The following AK5 variants were observed in gnomAD, a reference collection of about 807,000 sequenced individuals.
AK5 encodes adenylate kinase isoenzyme 5.
In AK5, 27 loss-of-function variants were observed where a neutral mutation model predicts 69.5. The ratio of observed to expected loss-of-function variants is 0.39; its 90% confidence interval spans 0.29 to 0.54. AK5 has a LOEUF of 0.54. AK5 is among the 20% of genes least tolerant of loss of function. The pLI, the probability that AK5 is intolerant of heterozygous loss-of-function variation, is 0.71. For missense variants in AK5, 531 were observed against 700.4 expected (o/e 0.76, Z 2.73); for synonymous variants, 260 against 244.4 (o/e 1.06, Z -0.60).
At chr1:77,328,035 A>G (rs1266461930) in intron 5 of AK5, among the ~76,000 whole-genome samples, 1 of 152,200 alleles carries the variant, frequency 6.6e-6, no homozygotes, top group Non-Finnish European at 1.5e-5. Flanking sequence ...CCAGAACTTC[A>G]CTTCTAGCTC....
At chr1:77,386,164 T>A (rs1648014556) in intron 6 of AK5, among the ~76,000 whole-genome samples, 1 of 152,238 alleles carries the variant, frequency 6.6e-6, no homozygotes. Flanking sequence ...TCAATATTAG[T>A]TTTCTTTGAG....
rs1052906981 is a variant in AK5 at position 77,340,559 on chromosome 1, C to T, written c.882C>T (p.Leu294=). The T allele has an allele frequency of 2.2e-5, 36 of 1,613,548 alleles. No individual in the cohort carries two copies. The highest frequency in any genetic ancestry group is 2.9e-5 in the Non-Finnish European group (34 of 1,179,804). Residue 294 remains leucine, a synonymous_variant, in exon 6 of 14, where the codon CTC becomes CTT. Coordinates refer to ENST00000354567, the MANE Select transcript of AK5 (RefSeq NM_174858.3). Reference sequence around the variant, plus strand: ...TTAAATACTTCCAGGAAAAGGGGCTCATCATGACAGTAAGTTAGCTCGACT... The same window carrying T: ...TTAAATACTTCCAGGAAAAGGGGCTTATCATGACAGTAAGTTAGCTCGACT... ...PLVKYFQEKG[L]IMTFDADRDE...
At chr1:77,521,136 T>C (rs142580176) in intron 11 of AK5, among the ~76,000 whole-genome samples, 203 of 152,122 alleles carry the variant, frequency 1.3e-3, no homozygotes, top group African/African-American at 4.8e-3. Context: ...AACAGTAAGA[T>C]ACCTTTTTTT....
intron 8 of AK5, among the ~76,000 whole-genome samples, chr1:77,469,377 C>G (rs1654328325): frequency 6.6e-6 from 1 of 152,190 alleles, no homozygotes; most frequent in African/African-American, 2.4e-5. Context: ...TGAGCTTCAT[C>G]CAATTCATTG....
At chr1:77,469,636 C>CGCT (rs139343146) in intron 8 of AK5, among the ~76,000 whole-genome samples, 7,910 of 152,314 alleles carry the variant, frequency 0.052, 239 homozygotes, top group South Asian at 0.094. Context: ...TGTGGTCAGC[C>CGCT]GCTGGGTCAG....
intron 8 of AK5, among the ~76,000 whole-genome samples, chr1:77,472,974 GAGCCCGCCC>G (rs138476952): frequency 0.1 from 15,735 of 151,966 alleles, 917 homozygotes; most frequent in South Asian, 0.15. Flanking sequence ...TGATTGCGTT[GAGCCCGCCC>G]AGATAATCCA....
At chr1:77,474,763 C>T (rs564247822) in intron 8 of AK5, among the ~76,000 whole-genome samples, 2 of 152,284 alleles carry the variant, frequency 1.3e-5, no homozygotes, top group South Asian at 4.1e-4. Flanking sequence ...GATCCTTTTT[C>T]TCCCTGAAAA....
rs183648880 is a variant in AK5, at chr1:77,467,154, G to C, written c.1060-16163G>C. Among the ~76,000 whole-genome samples, 354 of 152,224 alleles carry C rather than the reference G, an allele frequency of 2.3e-3. 3 individuals are homozygous for C. Among genetic ancestry groups the C allele is most frequent in the African/African-American group, 8.3e-3 (344 of 41,524 alleles). Reference sequence around the variant, plus strand: ...GCCTCTTTTATTCATTCCTGGATAGGGAAAAATGCATGGAGTCTTTGGAGT... The same window carrying C: ...GCCTCTTTTATTCATTCCTGGATAGCGAAAAATGCATGGAGTCTTTGGAGT... On this transcript the variant is annotated intron_variant, in intron 8 of 13. Transcript: ENST00000354567.
chr1:77,282,241 C>G lies in AK5; in HGVS notation c.-73C>G. ...TCGGCGCGGACTCTGCCAGCCCCAG[C>G]TTCAGCCCCGGCTCAGGTCGCCGCA... On this transcript the variant is annotated 5_prime_UTR_variant, in exon 1 of 14. Coordinates refer to ENST00000354567, the MANE Select transcript of AK5 (RefSeq NM_174858.3). 2.8e-6 allele frequency: 4 copies of G among 1,444,420 alleles called. No homozygotes were observed. The South Asian group carries it at 5.3e-5, about 19-fold the overall frequency. The allele number at this position is 1,444,420 out of a possible 1,614,324, so 89.5% of individuals were successfully genotyped here.
chr1:77,556,331 G>A (rs1348271025), intron 13 of AK5, among the ~76,000 whole-genome samples: 2 of 152,046 alleles, frequency 1.3e-5, no homozygotes, highest in African/African-American at 4.8e-5. Context: ...TGACTTTATT[G>A]CCTATGTATG....
intron 7 of AK5, among the ~76,000 whole-genome samples, chr1:77,417,029 G>T (rs1557576298): frequency 6.6e-6 from 1 of 152,098 alleles, no homozygotes; most frequent in African/African-American, 2.4e-5. Flanking sequence ...GAAACCTGTA[G>T]TACCTAAGGG....
At chr1:77,469,920 G>C (rs1409119861) in intron 8 of AK5, among the ~76,000 whole-genome samples, 2 of 152,212 alleles carry the variant, frequency 1.3e-5, no homozygotes, top group African/African-American at 2.4e-5. Flanking sequence ...GACACTGTAG[G>C]AGGCAAGAAT....
At chr1:77,368,808 T>A (rs1647066826) in intron 6 of AK5, among the ~76,000 whole-genome samples, 1 of 152,148 alleles carries the variant, frequency 6.6e-6, no homozygotes, top group Non-Finnish European at 1.5e-5. Flanking sequence ...CATTTCAGAT[T>A]TTCAGATTAG....
At chr1:77,368,588 A>T (rs1010669008) in intron 6 of AK5, among the ~76,000 whole-genome samples, 4 of 151,684 alleles carry the variant, frequency 2.6e-5, no homozygotes, top group Non-Finnish European at 5.9e-5. Context: ...ACACTTACTC[A>T]CACATAGGAC....
chr1:77,446,692 C>G (rs955170315), intron 8 of AK5, among the ~76,000 whole-genome samples: 10 of 151,886 alleles, frequency 6.6e-5, no homozygotes, highest in African/African-American at 2.4e-4. Flanking sequence ...GGATTGTTTT[C>G]TTGTTTGTTG....
intron 12 of AK5, among the ~76,000 whole-genome samples, chr1:77,523,387 A>T (rs1233870679): frequency 6.6e-6 from 1 of 152,148 alleles, no homozygotes; most frequent in Non-Finnish European, 1.5e-5. Flanking sequence ...TTGATGGGGG[A>T]CACTCACATG....
chr1:77,452,176 T>A (rs1254815006), intron 8 of AK5, among the ~76,000 whole-genome samples: 2 of 152,242 alleles, frequency 1.3e-5, no homozygotes, highest in Non-Finnish European at 2.9e-5. Context: ...TCCATTATAA[T>A]GCAATTATAT....
chr1:77,306,866 T>C (rs1659671920), intron 5 of AK5, among the ~76,000 whole-genome samples: 1 of 152,156 alleles, frequency 6.6e-6, no homozygotes, highest in African/African-American at 2.4e-5. Flanking sequence ...GATTTCCCAA[T>C]TTATTGGCGT....
At chr1:77,496,444 C>T (rs1028181474) in intron 10 of AK5, among the ~76,000 whole-genome samples, 7 of 152,140 alleles carry the variant, frequency 4.6e-5, no homozygotes, top group African/African-American at 1.7e-4. Flanking sequence ...ACTCTGCCAA[C>T]CAGGACAGGA....
Sources: allele counts gnomAD v4.1 joint callset (sites outside exome capture counted in the v4.1 genomes callset), GRCh38; gene constraint gnomAD v4.1.1; transcripts MANE v1.5; gene names NCBI Gene and HGNC (gene_info 2026-07-23, HGNC 2026-07-21).